Variants in AGBL4 observed in about 807,000 individuals in gnomAD.
The protein encoded by AGBL4 is cytosolic carboxypeptidase 6.
A neutral mutation model predicts 66.4 loss-of-function variants in AGBL4; 58 were observed. The ratio of observed to expected loss-of-function variants is 0.87; its 90% confidence interval spans 0.71 to 1.09. The LOEUF is 1.09. Ranked by LOEUF, AGBL4 falls within the 50% of genes least tolerant of loss-of-function variation. The pLI, the probability that AGBL4 is intolerant of heterozygous loss-of-function variation, is 0.00. For synonymous variants in AGBL4, 234 were observed against 222.9 expected, an observed-to-expected ratio of 1.05 and a Z score of -0.44; for missense variants, 579 against 631.0, an observed-to-expected ratio of 0.92 and a Z score of 0.88.
chr1:48,709,553 A>C (rs1646930970), intron 6 of AGBL4, among the ~76,000 whole-genome samples: 1 of 151,240 alleles, frequency 6.6e-6, no homozygotes, highest in Non-Finnish European at 1.5e-5. Flanking sequence ...AGCAACAGCT[A>C]ACCTTTAGTG....
At chr1:49,145,234 C>G (rs966714324) in intron 4 of AGBL4, among the ~76,000 whole-genome samples, 1 of 152,136 alleles carries the variant, frequency 6.6e-6, no homozygotes, top group Admixed American at 6.6e-5. Flanking sequence ...ACATCATTCT[C>G]TACTCACCAC....
chr1:48,624,454 A>G (rs1435648999), intron 9 of AGBL4, among the ~76,000 whole-genome samples: 4 of 152,232 alleles, frequency 2.6e-5, no homozygotes, highest in African/African-American at 7.2e-5. Flanking sequence ...TGTATTTGAG[A>G]AGCTCAAAGA....
intron 3 of AGBL4, among the ~76,000 whole-genome samples, chr1:49,447,436 C>G (rs565530260): frequency 7.2e-5 from 11 of 152,288 alleles, no homozygotes; most frequent in Non-Finnish European, 1.3e-4. Context: ...ACAGGAAAGT[C>G]AGCAGGAGCT....
chr1:48,903,653 C>A (rs1373922256), intron 5 of AGBL4, among the ~76,000 whole-genome samples: 2 of 152,196 alleles, frequency 1.3e-5, no homozygotes, highest in African/African-American at 2.4e-5. Flanking sequence ...TCACCTAGTG[C>A]CAGAGTTCCT....
chr1:49,630,869 T>C (rs902524794), intron 3 of AGBL4, among the ~76,000 whole-genome samples: 4 of 152,158 alleles, frequency 2.6e-5, no homozygotes, highest in Non-Finnish European at 5.9e-5. Context: ...GTAGTAGTAG[T>C]ATTTTAATCG....
chr1:48,691,567 A>C (rs1646633106), intron 6 of AGBL4, among the ~76,000 whole-genome samples: 1 of 152,166 alleles, frequency 6.6e-6, no homozygotes, highest in South Asian at 2.1e-4. Context: ...TCTGGAGTTG[A>C]GTCATGTGGG....
chr1:49,236,439 T>C (rs1052502023), intron 4 of AGBL4, among the ~76,000 whole-genome samples: 1 of 152,206 alleles, frequency 6.6e-6, no homozygotes, highest in African/African-American at 2.4e-5. Context: ...CTCAGATCCT[T>C]CTGGGATTTT....
chr1:48,943,926 T>G (rs1396050324), intron 5 of AGBL4, among the ~76,000 whole-genome samples: 1 of 152,146 alleles, frequency 6.6e-6, no homozygotes, highest in Non-Finnish European at 1.5e-5. Flanking sequence ...ATATGGCTAT[T>G]TGGAGGTAAA....
At chr1:49,975,903 G>A (rs1658516681) in intron 1 of AGBL4, among the ~76,000 whole-genome samples, 1 of 152,174 alleles carries the variant, frequency 6.6e-6, no homozygotes, top group Non-Finnish European at 1.5e-5. Flanking sequence ...AAAGCAAAAA[G>A]CAAAGCCATG....
intron 9 of AGBL4, among the ~76,000 whole-genome samples, chr1:48,633,559 C>T (rs1645623511): frequency 6.6e-6 from 1 of 152,176 alleles, no homozygotes; most frequent in African/African-American, 2.4e-5. Flanking sequence ...AAGTTGAACA[C>T]TTTTAGTAAA....
At chr1:49,033,822 C>CTT (rs79769191) in intron 5 of AGBL4, among the ~76,000 whole-genome samples, 5 of 141,064 alleles carry the variant, frequency 3.5e-5, no homozygotes, top group Non-Finnish European at 6.2e-5. Flanking sequence ...TTTTCCTTTT[C>CTT]TTTTTTTTTT....
intron 9 of AGBL4, among the ~76,000 whole-genome samples, chr1:48,592,453 C>T (rs1644932392): frequency 6.6e-6 from 1 of 152,168 alleles, no homozygotes; most frequent in South Asian, 2.1e-4. Context: ...GCCAAGCTCC[C>T]AGTTCTCTGG....
intron 3 of AGBL4, among the ~76,000 whole-genome samples, chr1:49,475,405 GTC>G (rs962620198): frequency 2.0e-5 from 3 of 151,140 alleles, no homozygotes; most frequent in Non-Finnish European, 3.0e-5. Context: ...TTTTTGTTTT[GTC>G]TTTGCCAGAC....
chr1:49,704,723 A>C (rs1279834758), intron 2 of AGBL4, among the ~76,000 whole-genome samples: 2 of 152,112 alleles, frequency 1.3e-5, no homozygotes, highest in Non-Finnish European at 2.9e-5. Flanking sequence ...AGGTTTGTCA[A>C]AGATCAGATG....
chr1:49,673,922 G>A (rs186051131), intron 3 of AGBL4, among the ~76,000 whole-genome samples: 1 of 152,146 alleles, frequency 6.6e-6, no homozygotes, highest in East Asian at 1.9e-4. Flanking sequence ...GGAACAGGGG[G>A]TTGGAGGTTA....
chr1:48,777,490 T>G (rs1645156227), intron 6 of AGBL4, among the ~76,000 whole-genome samples: 1 of 152,014 alleles, frequency 6.6e-6, no homozygotes. Flanking sequence ...TTTCTTTGCT[T>G]TCTTTCTTTT....
chr1:49,024,601 A>C (rs1463569799), intron 5 of AGBL4, among the ~76,000 whole-genome samples: 1 of 152,100 alleles, frequency 6.6e-6, no homozygotes, highest in East Asian at 1.9e-4. Flanking sequence ...CAGCTTCATA[A>C]AGTTGCTGAA....
intron 4 of AGBL4, among the ~76,000 whole-genome samples, chr1:49,197,901 C>T (rs72684817): frequency 0.11 from 16,824 of 152,110 alleles, 1,558 homozygotes; most frequent in African/African-American, 0.25. Flanking sequence ...ATATTCCAAT[C>T]CCTGGCCTGA....
chr1:49,551,200 G>GT (rs900278269), intron 3 of AGBL4, among the ~76,000 whole-genome samples: 2 of 151,962 alleles, frequency 1.3e-5, no homozygotes, highest in African/African-American at 4.8e-5. Context: ...TTCACTTCTT[G>GT]TATCATTTTT....
Sources: gnomAD v4.1 joint callset for allele counts (sites outside exome capture counted in the v4.1 genomes callset) on GRCh38, gnomAD v4.1.1 for gene constraint, MANE v1.5 for transcripts, NCBI Gene and HGNC (gene_info 2026-07-23, HGNC 2026-07-21) for gene names.